ADGRL2: variants seen among roughly 807,000 people sequenced by gnomAD.
ADGRL2 encodes the protein adhesion G protein-coupled receptor L2.
Under a neutral mutation model 157.4 loss-of-function variants are expected in ADGRL2, and 44 were observed. The ratio of observed to expected loss-of-function variants is 0.28; its 90% CI spans 0.22 to 0.36. The LOEUF (loss-of-function observed/expected upper bound fraction) is 0.36, where lower values mean the gene tolerates loss of function less well. Among genes scored for constraint, ADGRL2 ranks in the 10% least tolerant of loss-of-function variants. The pLI, the probability that ADGRL2 is intolerant of heterozygous loss-of-function variation, is 1.00. For synonymous variants in ADGRL2, 585 were observed against 624.7 expected (o/e 0.94, Z 0.95); for missense variants, 1,510 against 1,768.9 (o/e 0.85, Z 2.63).
chr1:81,494,609 G>A (rs1424553549), intron 2 of ADGRL2, among the ~76,000 whole-genome samples: 8 of 152,044 alleles, frequency 5.3e-5, no homozygotes, highest in Non-Finnish European at 1.2e-4. Flanking sequence ...CCAAAGTGTG[G>A]CCTGATACCC....
chr1:81,829,235 A>T (rs17107241), intron 1 of ADGRL2, among the ~76,000 whole-genome samples: 21,370 of 152,184 alleles, frequency 0.14, 1,666 homozygotes, highest in East Asian at 0.2. Context: ...GCTACACCAA[A>T]CACAGAGTTT....
At chr1:81,824,551 C>G (rs923496342) in intron 1 of ADGRL2, among the ~76,000 whole-genome samples, 6 of 152,180 alleles carry the variant, frequency 3.9e-5, no homozygotes, top group African/African-American at 1.4e-4. Context: ...CTGGGATTTA[C>G]AGGCATGAGC....
At chr1:81,973,669 ATTACTT>A in intron 17 of ADGRL2, among the ~76,000 whole-genome samples, 1 of 152,214 alleles carries the variant, frequency 6.6e-6, no homozygotes, top group African/African-American at 2.4e-5. Flanking sequence ...AGAGCACACT[ATTACTT>A]TATAAGTCTT....
intron 3 of ADGRL2, among the ~76,000 whole-genome samples, chr1:81,911,257 A>G (rs1448786718): frequency 1.3e-5 from 2 of 152,158 alleles, no homozygotes; most frequent in East Asian, 3.9e-4. Flanking sequence ...TCTTAAAATG[A>G]TATTTGTTTT....
At chr1:81,916,702 T>A (rs2094862831) in intron 3 of ADGRL2, among the ~76,000 whole-genome samples, 1 of 152,060 alleles carries the variant, frequency 6.6e-6, no homozygotes, top group Middle Eastern at 3.2e-3. Context: ...CACTGAAATA[T>A]GCTGTTTATT....
At chr1:81,535,627 T>A (rs2079716713) in intron 2 of ADGRL2, among the ~76,000 whole-genome samples, 1 of 152,196 alleles carries the variant, frequency 6.6e-6, no homozygotes, top group African/African-American at 2.4e-5. Flanking sequence ...AGACCCAGAC[T>A]GTACAGTACA....
At chr1:81,966,886 G>T (rs2149285051) in intron 13 of ADGRL2, among the ~76,000 whole-genome samples, 1 of 152,300 alleles carries the variant, frequency 6.6e-6, no homozygotes, top group South Asian at 2.1e-4. Flanking sequence ...AAATGTAAAT[G>T]ACTCTAATTT....
intron 1 of ADGRL2, among the ~76,000 whole-genome samples, chr1:81,707,674 C>T (rs1308078051): frequency 2.6e-5 from 4 of 152,072 alleles, no homozygotes; most frequent in Non-Finnish European, 5.9e-5. Context: ...GTTGTTGCAT[C>T]CACATGTTGG....
rs540302868 is a variant in ADGRL2, at chr1:81,714,978, A to T, written c.-143+15170A>T. Among the ~76,000 whole-genome samples, 436 of 152,030 alleles carry T rather than the reference A, an allele frequency of 2.9e-3. 1 individual carries two copies. Among genetic ancestry groups the T allele is most frequent in the Non-Finnish European group, 5.5e-3 (373 of 67,954 alleles). On this transcript the variant is annotated intron_variant, in intron 1 of 20. Transcript: ENST00000359929. ...TTTGTTTCTTTTTCTTTGATGCAAG[A>T]GTTCTCTCCTCCCAGTTTTTAACCT...
intron 2 of ADGRL2, among the ~76,000 whole-genome samples, chr1:81,865,594 A>G (rs2093519164): frequency 6.6e-6 from 1 of 152,146 alleles, no homozygotes. Flanking sequence ...TTTTGAGCCG[A>G]TGGTACATTT....
At chr1:81,651,812 T>C (rs2082426426) in intron 3 of ADGRL2, among the ~76,000 whole-genome samples, 1 of 152,182 alleles carries the variant, frequency 6.6e-6, no homozygotes, top group Non-Finnish European at 1.5e-5. Context: ...TAGTTCATTG[T>C]AACCTCCAAC....
intron 2 of ADGRL2, among the ~76,000 whole-genome samples, chr1:81,867,923 A>G (rs2093589159): frequency 6.6e-6 from 1 of 152,046 alleles, no homozygotes; most frequent in Non-Finnish European, 1.5e-5. Context: ...TTTGGAGCTT[A>G]TAGACTCTTT....
rs773817244 is a variant in ADGRL2, at chr1:81,943,271, T to A, written c.712T>A (p.Leu238Met). The change falls in exon 6 of 24, where the codon TTG (leucine) becomes ATG (methionine). Residue 238 changes from leucine to methionine, a missense_variant. Leu to Met is a conservative substitution (Grantham distance 15). Around this residue, in one of 4 missense-constraint regions of ADGRL2, gnomAD observed 361 missense variants for 498.4 expected, o/e 0.72. Coordinates refer to ENST00000686636, the MANE Select transcript of ADGRL2 (RefSeq NM_001366006.2). This position sits in a 1 kb window ranked among gnomAD's most constrained non-coding sequence, Gnocchi z 5.6. ...ERTRNIVKFD[L>M]RTRIKSGEAI... The stretch of plus-strand genomic sequence containing the variant: ...AACGAGGAATATTGTGAAATTTGAC[T>A]TGAGGACTAGAATTAAGAGTGGCGA... 18 of 1,613,666 alleles carry A rather than the reference T, an allele frequency of 1.1e-5. No homozygotes were observed. The highest frequency in any genetic ancestry group is 1.4e-5 in the Non-Finnish European group (17 of 1,179,716).
rs2094600426 is a variant in ADGRL2, at chr1:81,907,188, C to G, written c.245C>G (p.Thr82Arg). Reference sequence around the variant, plus strand: ...GCTGACCCATTTCAGATGGAGAATACAGACTGCTACCTCCCCGATGCCTTC... The same window carrying G: ...GCTGACCCATTTCAGATGGAGAATAGAGACTGCTACCTCCCCGATGCCTTC... The part of the protein sequence containing the change: ...CDADPFQMEN[T>R]DCYLPDAFKI... The change falls in exon 3 of 24, where the codon ACA becomes AGA. Residue 82 changes from threonine to arginine, a missense_variant. Physicochemically the swap from Thr to Arg is moderately conservative, Grantham distance 71 (BLOSUM62 -1). This residue lies in a region of ADGRL2 where 361 missense variants were observed against 498.4 expected (regional missense o/e 0.72). Transcript: ENST00000686636. 1 of 1,613,948 alleles carries G rather than the reference C, an allele frequency of 6.2e-7. No individual in the cohort carries two copies. Among genetic ancestry groups the G allele is most frequent in the African/African-American group, 1.3e-5 (1 of 74,898 alleles).
intron 1 of ADGRL2, among the ~76,000 whole-genome samples, chr1:81,394,024 C>T (rs1194719795): frequency 1.6e-4 from 24 of 151,918 alleles, no homozygotes; most frequent in Non-Finnish European, 2.9e-5. Context: ...TTACTGCATA[C>T]ATCAATATAT....
At chr1:81,388,951 C>T (rs762308099) in intron 1 of ADGRL2, among the ~76,000 whole-genome samples, 1 of 152,014 alleles carries the variant, frequency 6.6e-6, no homozygotes, top group African/African-American at 2.4e-5. Flanking sequence ...TTTGCAGTCC[C>T]TTGTTTGAAG....
chr1:81,939,851 G>A (rs921749834), intron 4 of ADGRL2, among the ~76,000 whole-genome samples: 6 of 151,250 alleles, frequency 4.0e-5, no homozygotes, highest in South Asian at 4.1e-4. Context: ...ATATAATAAC[G>A]TAGGGACTTT....
At chr1:81,834,711 T>G (rs2150153472) in intron 1 of ADGRL2, among the ~76,000 whole-genome samples, 1 of 152,256 alleles carries the variant, frequency 6.6e-6, no homozygotes, top group East Asian at 1.9e-4. Flanking sequence ...TTTTTTTTAC[T>G]TATTCATTAC....
chr1:81,579,566 G>A (rs915474562), intron 2 of ADGRL2, among the ~76,000 whole-genome samples: 2 of 152,020 alleles, frequency 1.3e-5, no homozygotes, highest in African/African-American at 2.4e-5. Context: ...CAAACCTACC[G>A]ACACATTTTG....
Sources: gnomAD v4.1 joint callset for allele counts (sites outside exome capture counted in the v4.1 genomes callset) on GRCh38, gnomAD v4.1.1 for gene constraint, gnomAD v4.1.1 regional missense constraint, Gnocchi (gnomAD v3.1) non-coding constraint, MANE v1.5 for transcripts, NCBI Gene and HGNC (gene_info 2026-07-23, HGNC 2026-07-21) for gene names.